OTOGL: variants seen among roughly 807,000 people sequenced by gnomAD.
The protein encoded by OTOGL is otogelin-like protein.
A neutral mutation model predicts 318.5 loss-of-function variants in OTOGL; 285 were observed. That is an observed-to-expected ratio of 0.89 (90% CI 0.81 to 0.99). The LOEUF (loss-of-function observed/expected upper bound fraction) is 0.99, where lower values mean the gene tolerates loss of function less well. Ranked by LOEUF, OTOGL falls within the 50% of genes least tolerant of loss-of-function variation. The pLI, the probability that OTOGL is intolerant of heterozygous loss-of-function variation, is 0.00. For synonymous variants in OTOGL, 987 were observed against 936.5 expected (o/e 1.05, Z -0.99); for missense variants, 2,899 against 2,845.6 (o/e 1.02, Z -0.43).
Position 80,256,474 on chromosome 12 carries a change from C to T in OTOGL, c.1711+14C>T. 1.3e-6 allele frequency: 2 copies of T among 1,562,340 alleles called. No individual in the cohort carries two copies. The highest frequency in any genetic ancestry group is 2.3e-5 in the East Asian group (1 of 43,572). On this transcript the variant is annotated intron_variant, in intron 17 of 58. Transcript: ENST00000547103. The stretch of plus-strand genomic sequence containing the variant: ...TCAACCTGAATGGTAAGAAACAGTG[C>T]TAATGGTGTACTTTCTTTACATCAA...
At chr12:80,279,852 T>A (rs1402060462) in intron 26 of OTOGL, among the ~76,000 whole-genome samples, 3 of 151,832 alleles carry the variant, frequency 2.0e-5, no homozygotes, top group Admixed American at 6.6e-5. Flanking sequence ...TTAAGTTTTT[T>A]AAGAAATTGC....
intron 21 of OTOGL, 113 bp downstream of exon 21, chr12:80,266,729 T>C (rs945444794): frequency 1.9e-5 from 21 of 1,091,992 alleles, no homozygotes; most frequent in Non-Finnish European, 2.5e-5. Flanking sequence ...TGTCTTTACT[T>C]TTTTTTTTAA....
intron 1 of OTOGL, among the ~76,000 whole-genome samples, chr12:80,178,651 CCT>C (rs1296125150): frequency 4.6e-5 from 7 of 152,140 alleles, no homozygotes; most frequent in Non-Finnish European, 8.8e-5. Flanking sequence ...CACAGTTTGT[CCT>C]CTCTCAGTTA....
rs1228434791 is a variant in OTOGL, at chr12:80,377,204, T to A, written c.6861+2T>A. Reference sequence around the variant, plus strand: ...CAGGACTGTATGAGCCAAAGCCCTGTAAGTGGAAAAATGTCATTTGCTACA... The same window carrying A: ...CAGGACTGTATGAGCCAAAGCCCTGAAAGTGGAAAAATGTCATTTGCTACA... On this transcript the variant is annotated splice_donor_variant, in intron 58 of 58. Transcript: ENST00000547103. LOFTEE classifies it high-confidence loss of function. 6.3e-7 allele frequency: 1 copy of A among 1,591,826 alleles called. No homozygotes were observed. Among genetic ancestry groups the A allele is most frequent in the Non-Finnish European group, 8.6e-7 (1 of 1,165,436 alleles).
chr12:80,242,050 A>G (rs558282704), intron 11 of OTOGL, among the ~76,000 whole-genome samples: 28 of 152,158 alleles, frequency 1.8e-4, no homozygotes, highest in Non-Finnish European at 4.0e-4. Context: ...ACCTAGGTGC[A>G]AGAGAAGCCG....
At chr12:80,196,318 C>A (rs1876064617) in intron 1 of OTOGL, among the ~76,000 whole-genome samples, 1 of 152,178 alleles carries the variant, frequency 6.6e-6, no homozygotes, top group Non-Finnish European at 1.5e-5. Flanking sequence ...AACTATGCAC[C>A]TTACATGACA....
chr12:80,154,619 T>C (rs1873002781), intron 1 of OTOGL, among the ~76,000 whole-genome samples: 1 of 152,212 alleles, frequency 6.6e-6, no homozygotes, highest in African/African-American at 2.4e-5. Flanking sequence ...TTAAATGTGC[T>C]TCAGTTTACC....
chr12:80,259,989 TA>T (rs1882395137), intron 18 of OTOGL, among the ~76,000 whole-genome samples: 1 of 152,082 alleles, frequency 6.6e-6, no homozygotes, highest in Non-Finnish European at 1.5e-5. Flanking sequence ...ATGCATTATC[TA>T]TGAAAATTTA....
chr12:80,231,237 T>G (rs1454257315), intron 8 of OTOGL, among the ~76,000 whole-genome samples: 1 of 152,220 alleles, frequency 6.6e-6, no homozygotes, highest in Non-Finnish European at 1.5e-5. Context: ...TAATGTTATT[T>G]CATATTGACT....
intron 57 of OTOGL, 88 bp downstream of exon 57, chr12:80,372,152 C>T (rs535635761): frequency 6.4e-6 from 6 of 933,856 alleles, no homozygotes; most frequent in Non-Finnish European, 7.5e-6. Context: ...AAATTCAATT[C>T]CTATGATGCA....
In OTOGL at chr12:80,257,779, C is replaced by T. The variant is rs536553635; in HGVS notation, c.1712-46C>T. The T allele has an allele frequency of 2.2e-5, 31 of 1,417,204 alleles. No homozygotes were observed. The African/African-American group carries it at 3.3e-4, about 15-fold the overall frequency. 87.8% of individuals were successfully genotyped at this position (1,417,204 alleles called of 1,614,324 possible). On this transcript the variant is annotated intron_variant, in intron 17 of 58. Coordinates refer to ENST00000547103, the MANE Select transcript of OTOGL (RefSeq NM_001378609.3). The stretch of plus-strand genomic sequence containing the variant: ...GGTGTACCCTAGCATTTCAGAACAC[C>T]GTCTATGAATGTCAAAGCTGATTTA...
intron 3 of OTOGL, 31 bp from the exon 4 acceptor site, chr12:80,211,918 G>A (rs375800951): frequency 6.5e-7 from 1 of 1,536,164 alleles, no homozygotes; most frequent in Non-Finnish European, 8.7e-7. Context: ...AGGGGCCTTT[G>A]ACTGTACAAG....
chr12:80,339,298 GTTTTTTTTTTTTTT>G (rs10715159), intron 43 of OTOGL, 34 bp downstream of exon 43: 15 of 538,108 alleles, frequency 2.8e-5, no homozygotes, highest in Admixed American at 2.5e-4. Context: ...GATTTCGTCT[GTTTTTTTTTTTTTT>G]TTTTTTTTTT....
intron 26 of OTOGL, among the ~76,000 whole-genome samples, chr12:80,294,439 C>A (rs1168800962): frequency 7.2e-5 from 11 of 151,996 alleles, no homozygotes; most frequent in African/African-American, 2.7e-4. Context: ...AGATGAAGAG[C>A]AAAACAAAAC....
chr12:80,233,725 C>T (rs1354284300), intron 9 of OTOGL, among the ~76,000 whole-genome samples: 1 of 152,122 alleles, frequency 6.6e-6, no homozygotes, highest in Non-Finnish European at 1.5e-5. Context: ...AAGAGAATCA[C>T]AAACCATAAT....
chr12:80,131,316 A>T (rs921808359), intron 1 of OTOGL, among the ~76,000 whole-genome samples: 1 of 152,212 alleles, frequency 6.6e-6, no homozygotes, highest in African/African-American at 2.4e-5. Flanking sequence ...TCCATAGTGC[A>T]TAGAGAACAA....
Position 80,251,679 on chromosome 12 carries a change from T to G in OTOGL, c.1053-14T>G. ...TTTCCTATGTGATTCTGGCTCTGTC[T>G]TTTCACTTTCTAGAACTGATGATGA... On this transcript the variant is annotated splice_polypyrimidine_tract_variant and intron_variant, in intron 11 of 58. Transcript: ENST00000547103. 1 of 1,565,030 alleles carries G rather than the reference T, an allele frequency of 6.4e-7. No homozygotes were observed. Among genetic ancestry groups the G allele is most frequent in the Non-Finnish European group, 8.7e-7 (1 of 1,150,764 alleles).
chr12:80,176,781 A>G (rs1392402867), intron 1 of OTOGL, among the ~76,000 whole-genome samples: 1 of 152,112 alleles, frequency 6.6e-6, no homozygotes, highest in African/African-American at 2.4e-5. Context: ...TGGGTCATAT[A>G]GTAGCTGCAT....
In OTOGL at chr12:80,254,704, G is replaced by A. The variant is rs1420557156; in HGVS notation, c.1441+134G>A. 8 of 686,262 alleles carry A rather than the reference G, an allele frequency of 1.2e-5. No homozygotes were observed. In the South Asian group the frequency reaches 1.8e-4, roughly 15 times the overall value. 42.5% of individuals were successfully genotyped at this position (686,262 alleles called of 1,614,324 possible). On this transcript the variant is annotated intron_variant, in intron 15 of 58. Transcript: ENST00000547103. ...TAATCTGTAAATGCAATTACTCAGA[G>A]GATACATGGAAAATTGAACAAGTGA...
Sources: allele counts gnomAD v4.1 joint callset (sites outside exome capture counted in the v4.1 genomes callset), GRCh38; gene constraint gnomAD v4.1.1; transcripts MANE v1.5; gene names NCBI Gene and HGNC (gene_info 2026-07-23, HGNC 2026-07-21).